DSCAML1: variants seen among roughly 807,000 people sequenced by gnomAD.
DSCAML1 encodes cell adhesion molecule DSCAML1.
In DSCAML1, 38 loss-of-function variants were observed where a neutral mutation model predicts 200.5. The observed-to-expected ratio is 0.19, with a 90% CI of 0.15 to 0.25. The LOEUF is 0.25. DSCAML1 is among the 10% of genes least tolerant of loss of function. The pLI is 1.00. For synonymous variants in DSCAML1, 1,215 were observed against 1,165.0 expected (o/e 1.04, Z -0.87); for missense variants, 2,223 against 2,858.8 (o/e 0.78, Z 5.07).
At chr11:117,600,028 C>A (rs1423737626) in intron 3 of DSCAML1, among the ~76,000 whole-genome samples, 1 of 152,224 alleles carries the variant, frequency 6.6e-6, no homozygotes, top group Admixed American at 6.5e-5. Context: ...GCCTCCCTTT[C>A]CTTTTGTGCA....
At chr11:117,530,660 C>A (rs2050061536) in intron 4 of DSCAML1, among the ~76,000 whole-genome samples, 1 of 152,104 alleles carries the variant, frequency 6.6e-6, no homozygotes, top group Admixed American at 6.5e-5. Context: ...CTCCTGATCT[C>A]CTGGCCTTGC....
chr11:117,532,135 AAAAAAAGG>A (rs1180790341), intron 4 of DSCAML1, among the ~76,000 whole-genome samples: 8 of 147,372 alleles, frequency 5.4e-5, no homozygotes, highest in African/African-American at 1.3e-4. Context: ...GAAAGACAAA[AAAAAAAGG>A]AAAAAAAAGG....
At chr11:117,594,199 C>T (rs569703993) in intron 3 of DSCAML1, among the ~76,000 whole-genome samples, 1 of 152,264 alleles carries the variant, frequency 6.6e-6, no homozygotes, top group East Asian at 1.9e-4. Context: ...CTGGATCAGG[C>T]TCCATTTCAG....
chr11:117,662,521 G>T (rs140158086), intron 3 of DSCAML1, among the ~76,000 whole-genome samples: 1 of 152,192 alleles, frequency 6.6e-6, no homozygotes, highest in Non-Finnish European at 1.5e-5. Context: ...CAGAGAAAAG[G>T]CTCTCTCATG....
chr11:117,633,798 T>C (rs2052223213), intron 3 of DSCAML1, among the ~76,000 whole-genome samples: 2 of 152,132 alleles, frequency 1.3e-5, no homozygotes, highest in African/African-American at 2.4e-5. Flanking sequence ...GAGGCAGAGG[T>C]GCAGGCCCAC....
chr11:117,506,605 G>T (rs1317126864), intron 8 of DSCAML1, among the ~76,000 whole-genome samples: 1 of 150,238 alleles, frequency 6.7e-6, no homozygotes, highest in Non-Finnish European at 1.5e-5. Context: ...CACCCAGGCG[G>T]GAGTACAGTG....
At chr11:117,739,906 C>A (rs930638398) in intron 3 of DSCAML1, among the ~76,000 whole-genome samples, 5 of 152,218 alleles carry the variant, frequency 3.3e-5, no homozygotes, top group African/African-American at 1.2e-4. Context: ...TCAGCTGCAG[C>A]CCCTTTGACA....
At chr11:117,784,738 T>C (rs1441687399) in intron 1 of DSCAML1, among the ~76,000 whole-genome samples, 1 of 152,150 alleles carries the variant, frequency 6.6e-6, no homozygotes, top group African/African-American at 2.4e-5. Context: ...TCACCTGCTG[T>C]GTGACCTCAG....
Position 117,435,743 on chromosome 11 carries a change from A to G in DSCAML1, c.4777T>C (p.Phe1593Leu). The G allele has an allele frequency of 6.2e-7, 1 of 1,613,604 alleles. No homozygotes were observed. The highest frequency in any genetic ancestry group is 1.1e-5 in the South Asian group (1 of 91,044). The change falls in exon 27 of 33, where the codon TTC (phenylalanine) becomes CTC (leucine). Residue 1593 changes from phenylalanine to leucine, a missense_variant. Physicochemically the swap from Phe to Leu is conservative, Grantham distance 22 (BLOSUM62 0). Around this residue, in one of 7 missense-constraint regions of DSCAML1, gnomAD observed 614 missense variants for 739.1 expected, o/e 0.83. Transcript: ENST00000651296. ...AGGATGACAGGGCAGCCGATGGTGAACAGCTTCTTCACATCATCCCCTTCA... is the reference window on the plus strand; with the variant it reads ...AGGATGACAGGGCAGCCGATGGTGAGCAGCTTCTTCACATCATCCCCTTCA... ...QGEGDDVKKL[F>L]TIGCPVILAT...
chr11:117,712,632 G>T (rs921355115), intron 3 of DSCAML1, among the ~76,000 whole-genome samples: 1 of 152,060 alleles, frequency 6.6e-6, no homozygotes, highest in East Asian at 1.9e-4. Flanking sequence ...ATTAAAGCAC[G>T]CGCACGCCGA....
intron 15 of DSCAML1, 109 bp from the exon 16 acceptor site, chr11:117,470,089 G>A (rs918815041): frequency 9.7e-7 from 1 of 1,026,118 alleles, no homozygotes; most frequent in Admixed American, 2.7e-5. Context: ...CTGGGGAGAA[G>A]ACTAAGCTCA....
At chr11:117,594,930 C>T (rs569683770) in intron 3 of DSCAML1, among the ~76,000 whole-genome samples, 1 of 152,256 alleles carries the variant, frequency 6.6e-6, no homozygotes, top group South Asian at 2.1e-4. Flanking sequence ...CTCATTGTTA[C>T]CTCTGTCAAG....
At position 117,428,543 on chromosome 11, in the gene DSCAML1, T is replaced by TGCCGGCTGGGGGGGCTGG. The variant is rs1299004092; in HGVS notation, c.5929_5946dup (p.Pro1977_Gly1982dup). 6.7e-7 allele frequency: 1 copy of TGCCGGCTGGGGGGGCTGG among 1,491,818 alleles called. No homozygotes were observed. The highest frequency in any genetic ancestry group is 2.5e-5 in the East Asian group (1 of 39,882). 92.4% of individuals were successfully genotyped at this position (1,491,818 alleles called of 1,614,324 possible). A position where few individuals can be genotyped will look rare whatever the true frequency, so the allele number is the denominator to read the frequency against. On this transcript the variant is annotated inframe_insertion, in exon 33 of 33. Coordinates refer to ENST00000651296, the MANE Select transcript of DSCAML1 (RefSeq NM_020693.4). Reference sequence around the variant, plus strand: ...GTGGGGCCGGGGGCTGGGGGGGCTGTGCCGGCTGGGGGGGCTGGCATGGCC... The same window carrying TGCCGGCTGGGGGGGCTGG: ...GTGGGGCCGGGGGCTGGGGGGGCTGTGCCGGCTGGGGGGGCTGGGCCGGCTGGGGGGGCTGGCATGGCC...
chr11:117,565,086 G>A (rs1318314754), intron 3 of DSCAML1, among the ~76,000 whole-genome samples: 1 of 151,974 alleles, frequency 6.6e-6, no homozygotes, highest in African/African-American at 2.4e-5. Context: ...TTTCAATGAC[G>A]ACCTGACCAC....
rs762329735 is a variant in DSCAML1, at chr11:117,780,231, GGAAA to G, written c.364+258_364+261del. ...AAAGAGAGAGAGAGAAAGAAAGAAA[GGAAA>G]GAAAGAAAGAAAGAAAGAAAGAAAG... On this transcript the variant is annotated intron_variant, in intron 2 of 32. Transcript: ENST00000651296. This position sits in a 1 kb window ranked among gnomAD's most constrained non-coding sequence, Gnocchi z 4.8. 0.027 allele frequency among the ~76,000 whole-genome samples: 1,614 copies of G among 60,454 alleles called. 42 individuals carry two copies. The highest frequency in any genetic ancestry group is 0.049 in the East Asian group (102 of 2,086). The allele number at this position is 60,454 out of a possible 152,430, so 39.7% of individuals were successfully genotyped here.
chr11:117,667,337 G>A (rs1026722711), intron 3 of DSCAML1, among the ~76,000 whole-genome samples: 1 of 152,160 alleles, frequency 6.6e-6, no homozygotes, highest in Non-Finnish European at 1.5e-5. Context: ...GCTTGAACCC[G>A]GGAGGCAGAG....
chr11:117,468,590 C>T (rs935113458), intron 16 of DSCAML1, among the ~76,000 whole-genome samples: 4 of 152,284 alleles, frequency 2.6e-5, no homozygotes, highest in African/African-American at 9.6e-5. Context: ...GGATGCCCGG[C>T]CTCACCCCAC....
intron 11 of DSCAML1, among the ~76,000 whole-genome samples, chr11:117,499,302 G>C (rs1291499319): frequency 6.6e-6 from 1 of 152,072 alleles, no homozygotes; most frequent in Admixed American, 6.5e-5. Context: ...CCAAGTTCTG[G>C]GAGGTGGTCT....
chr11:117,484,393 G>A (rs994104491), intron 11 of DSCAML1, among the ~76,000 whole-genome samples: 4 of 152,140 alleles, frequency 2.6e-5, no homozygotes, highest in South Asian at 2.1e-4. Flanking sequence ...TGATGCTGAC[G>A]ACAGCCCTGG....
Sources: gnomAD v4.1 joint callset for allele counts (sites outside exome capture counted in the v4.1 genomes callset) on GRCh38, gnomAD v4.1.1 for gene constraint, gnomAD v4.1.1 regional missense constraint, Gnocchi (gnomAD v3.1) non-coding constraint, MANE v1.5 for transcripts, NCBI Gene and HGNC (gene_info 2026-07-23, HGNC 2026-07-21) for gene names.